LRRC7: variants seen among roughly 807,000 people sequenced by gnomAD.
The protein encoded by LRRC7 is leucine rich repeat containing 7, also known as leucine-rich repeat-containing protein 7.
Under a neutral mutation model 175.7 loss-of-function variants are expected in LRRC7, and 23 were observed. The observed-to-expected ratio is 0.13, with a 90% confidence interval of 0.09 to 0.19. The LOEUF (loss-of-function observed/expected upper bound fraction) is 0.19. Ranked by LOEUF, LRRC7 falls within the 10% of genes least tolerant of loss-of-function variation. The pLI, the probability that LRRC7 is intolerant of heterozygous loss-of-function variation, is 1.00. For synonymous variants in LRRC7, 685 were observed against 680.9 expected (o/e 1.01, Z -0.09); for missense variants, 1,354 against 1,904.7 (o/e 0.71, Z 5.38).
At chr1:69,642,807 G>GAAC (rs1224567281) in intron 1 of LRRC7, among the ~76,000 whole-genome samples, 1 of 128,160 alleles carries the variant, frequency 7.8e-6, no homozygotes, top group African/African-American at 2.9e-5. Context: ...AATGACAGAT[G>GAAC]ATACATAGAT....
intron 26 of LRRC7, among the ~76,000 whole-genome samples, chr1:70,114,170 G>C (rs1250041385): frequency 6.6e-6 from 1 of 152,078 alleles, no homozygotes; most frequent in Non-Finnish European, 1.5e-5. Flanking sequence ...TCCCAACAAG[G>C]CCAAGTAAGT....
intron 23 of LRRC7, among the ~76,000 whole-genome samples, chr1:70,066,766 T>C (rs1662010467): frequency 6.6e-6 from 1 of 152,080 alleles, no homozygotes; most frequent in Non-Finnish European, 1.5e-5. Flanking sequence ...AACTGCTGGA[T>C]CATATGGTAC....
chr1:69,870,783 T>G (rs1384286254), intron 7 of LRRC7, among the ~76,000 whole-genome samples: 1 of 152,102 alleles, frequency 6.6e-6, no homozygotes, highest in Non-Finnish European at 1.5e-5. Context: ...GAGCACTCAC[T>G]CCCTCTTCTG....
At chr1:70,097,139 T>TC (rs1363855863) in intron 25 of LRRC7, among the ~76,000 whole-genome samples, 3 of 151,974 alleles carry the variant, frequency 2.0e-5, no homozygotes, top group South Asian at 4.1e-4. Flanking sequence ...TAAATATGAT[T>TC]CCCCCACCCC....
At chr1:70,101,530 T>C (rs189017058) in intron 25 of LRRC7, among the ~76,000 whole-genome samples, 2 of 152,338 alleles carry the variant, frequency 1.3e-5, no homozygotes, top group African/African-American at 4.8e-5. Flanking sequence ...AAACTTAGAA[T>C]GTTAAATGTT....
intron 1 of LRRC7, among the ~76,000 whole-genome samples, chr1:69,599,141 A>G (rs908848834): frequency 2.0e-5 from 2 of 101,674 alleles, no homozygotes; most frequent in Non-Finnish European, 4.6e-5. Context: ...GTTTTACAAT[A>G]AAAAAAAAAG....
In LRRC7 at chr1:69,930,232, C is replaced by A. The variant is rs149911133; in HGVS notation, c.648-1275C>A. Among the ~76,000 whole-genome samples, 3 of 151,924 alleles carry A rather than the reference C, an allele frequency of 2.0e-5. No individual in the cohort carries two copies. The East Asian group carries it at 5.8e-4, about 29-fold the overall frequency. ...TTATCTGTTTTGTTCTCTGCCATAC[C>A]CCAGATCAGCACATAATACTCTCTC... On this transcript the variant is annotated intron_variant, in intron 7 of 26. Coordinates refer to ENST00000651989, the MANE Select transcript of LRRC7 (RefSeq NM_001370785.2).
At chr1:70,026,315 T>A (rs1658094423) in intron 17 of LRRC7, among the ~76,000 whole-genome samples, 1 of 152,178 alleles carries the variant, frequency 6.6e-6, no homozygotes, top group Non-Finnish European at 1.5e-5. Context: ...ATTGGCATGA[T>A]AGTCATAGCA....
At chr1:69,831,294 A>G (rs1207198015) in intron 5 of LRRC7, among the ~76,000 whole-genome samples, 1 of 152,064 alleles carries the variant, frequency 6.6e-6, no homozygotes, top group Non-Finnish European at 1.5e-5. Context: ...GACATCAAAG[A>G]TAATAGTTAA....
At chr1:69,611,204 C>T (rs879050528) in intron 1 of LRRC7, among the ~76,000 whole-genome samples, 1 of 151,882 alleles carries the variant, frequency 6.6e-6, no homozygotes, top group African/African-American at 2.4e-5. Context: ...ACTTTATTTT[C>T]CCACCTTTAT....
chr1:69,707,496 CT>C (rs911229939), intron 2 of LRRC7, among the ~76,000 whole-genome samples: 141 of 152,156 alleles, frequency 9.3e-4, no homozygotes, highest in Middle Eastern at 3.4e-3. Context: ...TTTCTTTACT[CT>C]TTTATTGGTG....
chr1:70,136,075 CTGTGTG>C lies in LRRC7; in HGVS notation c.*14206_*14211del, dbSNP rs10526637. 0.013 allele frequency among the ~76,000 whole-genome samples: 1,907 copies of C among 149,130 alleles called. 37 individuals carry two copies. The highest frequency in any genetic ancestry group is 0.044 in the African/African-American group (1,769 of 40,576). On this transcript the variant is annotated 3_prime_UTR_variant, in exon 27 of 27. Coordinates refer to ENST00000651989, the MANE Select transcript of LRRC7 (RefSeq NM_001370785.2). ...TCTCTGTGTGTGTCTGTGTGTGTGT[CTGTGTG>C]TGTGTGTGTGTGTGTGTCTATATAT... is the stretch of plus-strand genomic sequence containing the variant.
intron 8 of LRRC7, among the ~76,000 whole-genome samples, chr1:69,977,172 A>T (rs902957133): frequency 1.9e-4 from 29 of 151,964 alleles, no homozygotes; most frequent in Admixed American, 1.2e-3. Flanking sequence ...TTATCTTTTA[A>T]ATGTTTCCTG....
chr1:69,828,534 T>G (rs900995084), intron 5 of LRRC7, among the ~76,000 whole-genome samples: 2 of 152,112 alleles, frequency 1.3e-5, no homozygotes, highest in Non-Finnish European at 2.9e-5. Context: ...AATTAGCACC[T>G]TTCCATGTAT....
At chr1:69,871,718 A>G (rs1383685449) in intron 7 of LRRC7, among the ~76,000 whole-genome samples, 1 of 152,002 alleles carries the variant, frequency 6.6e-6, no homozygotes, top group Non-Finnish European at 1.5e-5. Flanking sequence ...TTCATATTCC[A>G]TCCAAAAATA....
At chr1:70,108,313 G>A (rs1665283034) in intron 26 of LRRC7, among the ~76,000 whole-genome samples, 1 of 152,020 alleles carries the variant, frequency 6.6e-6, no homozygotes, top group South Asian at 2.1e-4. Flanking sequence ...TATATAAGGT[G>A]ACTTTTAAAA....
In LRRC7 at chr1:69,670,985, C is replaced by G. The variant is rs377092217; in HGVS notation, c.3-7396C>G. Among the ~76,000 whole-genome samples, 19 of 152,246 alleles carry G rather than the reference C, an allele frequency of 1.2e-4. No homozygotes were observed. The East Asian group carries it at 1.6e-3, about 12-fold the overall frequency. ...GGCCTGGAACTGGGGACCCCAGGAG[C>G]CTGCTTTGTGCTCTTTTCCTCTGTG... On this transcript the variant is annotated intron_variant, in intron 1 of 26. Coordinates refer to ENST00000651989, the MANE Select transcript of LRRC7 (RefSeq NM_001370785.2).
intron 1 of LRRC7, among the ~76,000 whole-genome samples, chr1:69,647,689 C>G (rs1169145889): frequency 6.6e-6 from 1 of 151,914 alleles, no homozygotes; most frequent in Non-Finnish European, 1.5e-5. Flanking sequence ...AATACTATTT[C>G]TAACTCATTC....
intron 25 of LRRC7, among the ~76,000 whole-genome samples, chr1:70,105,793 T>C (rs567515349): frequency 6.6e-6 from 1 of 152,292 alleles, no homozygotes; most frequent in Admixed American, 6.5e-5. Context: ...CCTAGAAGTC[T>C]AATTACTTGG....
Sources: allele counts gnomAD v4.1 joint callset (sites outside exome capture counted in the v4.1 genomes callset), GRCh38; gene constraint gnomAD v4.1.1; transcripts MANE v1.5; gene names NCBI Gene and HGNC (gene_info 2026-07-23, HGNC 2026-07-21).